The following SPTBN2 variants were observed in gnomAD, a reference collection of about 807,000 sequenced individuals.
SPTBN2 encodes spectrin beta, non-erythrocytic 2, also known as spectrin beta chain, non-erythrocytic 2.
A neutral mutation model predicts 284.2 loss-of-function variants in SPTBN2; 107 were observed. That is an observed-to-expected ratio of 0.38 (90% CI 0.32 to 0.44). SPTBN2 has a LOEUF of 0.44. Ranked by LOEUF, SPTBN2 falls within the 20% of genes least tolerant of loss-of-function variation. The pLI, the probability that SPTBN2 is intolerant of heterozygous loss-of-function variation, is 1.00. For synonymous variants in SPTBN2, 1,289 were observed against 1,354.8 expected (o/e 0.95, Z 1.07); for missense variants, 2,569 against 3,287.1 (o/e 0.78, Z 5.34).
At chr11:66,744,035 A>G (rs1591000863) in intron 1 of SPTBN2, among the ~76,000 whole-genome samples, 1 of 151,592 alleles carries the variant, frequency 6.6e-6, no homozygotes, top group South Asian at 2.1e-4. Flanking sequence ...TAATTTTTGT[A>G]TTTTCAGTAG....
intron 21 of SPTBN2, 141 bp downstream of exon 21, chr11:66,696,133 CTGA>C: frequency 1.9e-6 from 2 of 1,074,284 alleles, no homozygotes; most frequent in Admixed American, 4.0e-5. Flanking sequence ...CCTAGAGATT[CTGA>C]TACTGGCTGC....
upstream of SPTBN2, among the ~76,000 whole-genome samples, chr11:66,730,840 G>A (rs1363916610): frequency 6.6e-6 from 1 of 152,168 alleles, no homozygotes; most frequent in Non-Finnish European, 1.5e-5. Context: ...TTGATGAACA[G>A]ACTGATGTTC....
chr11:66,702,513 G>T (rs930960870), intron 15 of SPTBN2, among the ~76,000 whole-genome samples: 5 of 152,252 alleles, frequency 3.3e-5, no homozygotes, highest in Non-Finnish European at 4.4e-5. Flanking sequence ...TTTCTGTGAA[G>T]GGCTTGATGG....
rs145850901 is a variant in SPTBN2 at position 66,705,624 on chromosome 11, C to T, written c.1807+60G>A. 7.3e-4 allele frequency: 1,169 copies of T among 1,605,354 alleles called. 11 individuals carry two copies. In the African/African-American group the frequency reaches 0.014, roughly 19 times the overall value. ...CCCAGGTTTCCCAACCCTTCCACCT[C>T]GGCTCTTGATGTGCTCCTTCCCAGC... On this transcript the variant is annotated intron_variant, in intron 14 of 37. Coordinates refer to ENST00000533211, the MANE Select transcript of SPTBN2 (RefSeq NM_006946.4).
At chr11:66,694,876 G>A (rs1480914413) in intron 21 of SPTBN2, among the ~76,000 whole-genome samples, 2 of 152,278 alleles carry the variant, frequency 1.3e-5, no homozygotes, top group East Asian at 3.9e-4. Context: ...AGCAGATGTG[G>A]GGCATTCCAC....
chr11:66,721,266 C>A lies in SPTBN2; in HGVS notation c.-22-4G>T, dbSNP rs751795090. On this transcript the variant is annotated splice_region_variant and splice_polypyrimidine_tract_variant and intron_variant, in intron 2 of 37. Transcript: ENST00000533211. ...GGTGGTAGGCGGCTTCCTGCTCCTG[C>A]AAGGAGAATGTGGCCAGTGAGGGGT... 1.2e-5 allele frequency: 19 copies of A among 1,614,064 alleles called. No individual in the cohort carries two copies. The highest frequency in any genetic ancestry group is 5.0e-5 in the Admixed American group (3 of 60,018).
rs769899807 is a variant in SPTBN2 at position 66,707,863 on chromosome 11, T to G, written c.1351-45A>C. The G allele has an allele frequency of 3.6e-5, 58 of 1,595,470 alleles. 1 individual carries two copies. In the South Asian group the frequency reaches 6.0e-4, roughly 17 times the overall value. Reference sequence around the variant, plus strand: ...AGGAGGTGTGGGGACCAAGGGACAGTGCCTCTGCCTGCTCCTCTGTCCTGC... The same window carrying G: ...AGGAGGTGTGGGGACCAAGGGACAGGGCCTCTGCCTGCTCCTCTGTCCTGC... On this transcript the variant is annotated intron_variant, in intron 12 of 37. Transcript: ENST00000533211. This position sits in a 1 kb window ranked among gnomAD's most constrained non-coding sequence, Gnocchi z 4.9.
At chr11:66,686,527 C>T in intron 36 of SPTBN2, 87 bp from the exon 37 acceptor site, 3 of 1,452,070 alleles carry the variant, frequency 2.1e-6, no homozygotes, top group Non-Finnish European at 1.9e-6. Flanking sequence ...TGACCCAACA[C>T]CAGGCTGGGA....
At chr11:66,717,642 T>G (rs1186130405) in intron 3 of SPTBN2, among the ~76,000 whole-genome samples, 1 of 152,176 alleles carries the variant, frequency 6.6e-6, no homozygotes, top group Non-Finnish European at 1.5e-5. Flanking sequence ...AGGAGGAGCG[T>G]GGGTCACAGG....
At position 66,693,123 on chromosome 11, in the gene SPTBN2, C is replaced by A; in HGVS notation, c.4855-23G>T. On this transcript the variant is annotated intron_variant, in intron 24 of 37. Coordinates refer to ENST00000533211, the MANE Select transcript of SPTBN2 (RefSeq NM_006946.4). This position sits in a 1 kb window ranked among gnomAD's most constrained non-coding sequence, Gnocchi z 5.7. ...ATCCTGGGGGAAGGGACAGTGGCAT[C>A]CAGCATCAGGTCAGGGGAGGGCAGA... is the stretch of plus-strand genomic sequence containing the variant. 1 of 1,614,244 alleles carries A rather than the reference C, an allele frequency of 6.2e-7. No homozygotes were observed. The highest frequency in any genetic ancestry group is 8.5e-7 in the Non-Finnish European group (1 of 1,180,048).
intron 1 of SPTBN2, among the ~76,000 whole-genome samples, chr11:66,744,175 T>A (rs1942932547): frequency 6.6e-6 from 1 of 152,230 alleles, no homozygotes; most frequent in African/African-American, 2.4e-5. Context: ...GCGTCGTTTT[T>A]AATTTCAGAT....
At position 66,685,623 on chromosome 11, in the gene SPTBN2, G is replaced by T; in HGVS notation, c.*248C>A. ...CAGAGGCACGAGGCTGGGGAAAGGG[G>T]AGAAGTCGGCGGGGGTGGGAGAGGG... On this transcript the variant is annotated 3_prime_UTR_variant, in exon 38 of 38. Coordinates refer to ENST00000533211, the MANE Select transcript of SPTBN2 (RefSeq NM_006946.4). The surrounding 1 kb of genome is among the most constrained non-coding windows in gnomAD (Gnocchi z 4.4). The T allele has an allele frequency of 1.9e-6, 1 of 517,028 alleles. No homozygotes were observed. The highest frequency in any genetic ancestry group is 2.0e-5 in the South Asian group (1 of 50,568). 32.0% of individuals were successfully genotyped at this position (517,028 alleles called of 1,614,324 possible).
At chr11:66,721,547 G>C in intron 1 of SPTBN2, 107 bp from the exon 2 acceptor site, 1 of 450,896 alleles carries the variant, frequency 2.2e-6, no homozygotes, top group Non-Finnish European at 4.1e-6. Context: ...GGGCCAGAGA[G>C]GGACGGGTTT....
At chr11:66,737,212 A>C (rs574013990) in intron 1 of SPTBN2, among the ~76,000 whole-genome samples, 1 of 152,204 alleles carries the variant, frequency 6.6e-6, no homozygotes, top group East Asian at 1.9e-4. Context: ...TAAAATGTTA[A>C]AGGGGGAGAT....
chr11:66,732,357 G>C (rs1206463913), upstream of SPTBN2, among the ~76,000 whole-genome samples: 3 of 152,172 alleles, frequency 2.0e-5, no homozygotes, highest in African/African-American at 7.2e-5. Flanking sequence ...ATAGGAAATG[G>C]AGAAAAGAGG....
chr11:66,744,648 G>A (rs536431219), exon 1 of SPTBN2: 307 of 388,884 alleles, frequency 7.9e-4, no homozygotes, highest in Non-Finnish European at 1.1e-3. Context: ...TCCCGGCGGC[G>A]GTTCGCGGTC....
At position 66,688,345 on chromosome 11, in the gene SPTBN2, G is replaced by A; in HGVS notation, c.6232-34C>T. 5 of 1,555,808 alleles carry A rather than the reference G, an allele frequency of 3.2e-6. No individual in the cohort carries two copies. The East Asian group carries it at 1.2e-4, about 38-fold the overall frequency. On this transcript the variant is annotated intron_variant, in intron 31 of 37. Coordinates refer to ENST00000533211, the MANE Select transcript of SPTBN2 (RefSeq NM_006946.4). ...AAATGCTGCATTCAGCGTGTAGAAG[G>A]TTGCGTGTAAGAGGGCCAGGGAAAC...
chr11:66,688,640 C>T lies in SPTBN2; in HGVS notation c.6231+13G>A. The T allele has an allele frequency of 6.2e-7, 1 of 1,613,684 alleles. No individual in the cohort carries two copies. Among genetic ancestry groups the T allele is most frequent in the South Asian group, 1.1e-5 (1 of 91,080 alleles). On this transcript the variant is annotated intron_variant, in intron 31 of 37. Coordinates refer to ENST00000533211, the MANE Select transcript of SPTBN2 (RefSeq NM_006946.4). ...CAGGTTGGAGTGGGCATCCGGGGTC[C>T]TGTGTCCCTCACCGCAGTAAGCTTC...
rs139883853 is a variant in SPTBN2, at chr11:66,694,192, G to A, written c.4450C>T (p.Leu1484=). 2.8e-5 allele frequency: 45 copies of A among 1,613,156 alleles called. No homozygotes were observed. In the East Asian group the frequency reaches 3.1e-4, roughly 11 times the overall value. Residue 1484 remains leucine (L), a synonymous_variant, in exon 22 of 38, where the codon CTG becomes TTG. Transcript: ENST00000533211. Reference sequence around the variant, plus strand: ...TGGTGCTGCTCGCGAGAAGCCTGCAGGCGCCGGCAGCGTTCCCGCATGGGC... The same window carrying A: ...TGGTGCTGCTCGCGAGAAGCCTGCAAGCGCCGGCAGCGTTCCCGCATGGGC... The part of the protein sequence containing the change: ...CQPMRERCRR[L]QASREQHQFH...
Sources: gnomAD v4.1 joint callset for allele counts (sites outside exome capture counted in the v4.1 genomes callset) on GRCh38, gnomAD v4.1.1 for gene constraint, Gnocchi (gnomAD v3.1) non-coding constraint, MANE v1.5 for transcripts, NCBI Gene and HGNC (gene_info 2026-07-23, HGNC 2026-07-21) for gene names.